POU6F2: variants seen among roughly 807,000 people sequenced by gnomAD.
The protein encoded by POU6F2 is POU domain, class 6, transcription factor 2.
POU6F2 carries 31 observed loss-of-function variants against 71.3 expected under a neutral mutation model. The ratio of observed to expected loss-of-function variants is 0.43; its 90% CI spans 0.33 to 0.59. The LOEUF (loss-of-function observed/expected upper bound fraction) is 0.59. Among genes scored for constraint, POU6F2 ranks in the 20% least tolerant of loss-of-function variants. The pLI is 0.04. For synonymous variants in POU6F2, 347 were observed against 355.7 expected (o/e 0.98, Z 0.27); for missense variants, 783 against 856.8 (o/e 0.91, Z 1.07).
At chr7:39,033,887 G>A (rs1361222966) in intron 1 of POU6F2, among the ~76,000 whole-genome samples, 2 of 152,162 alleles carry the variant, frequency 1.3e-5, no homozygotes, top group African/African-American at 4.8e-5. Flanking sequence ...TTTCAGATGT[G>A]GTGCTTTTTC....
At chr7:39,451,795 GCTCT>G (rs375873802) in intron 8 of POU6F2, 94 bp downstream of exon 8, 4 of 1,400,956 alleles carry the variant, frequency 2.9e-6, no homozygotes, top group Non-Finnish European at 3.9e-6. Context: ...ACTCTCTCTT[GCTCT>G]CTCTTTCTCT....
At position 39,058,247 on chromosome 7, in the gene POU6F2, T is replaced by A. The variant is rs112053399; in HGVS notation, c.106-27613T>A. On this transcript the variant is annotated intron_variant, in intron 1 of 9. Transcript: ENST00000518318. ...TCTCCCGGGGAACAATACACTAACA[T>A]CCTGGTGAGTTCTGTACTAGGAGCC... 3.3e-5 allele frequency among the ~76,000 whole-genome samples: 5 copies of A among 152,318 alleles called. 1 individual carries two copies. The highest frequency in any genetic ancestry group is 1.2e-4 in the African/African-American group (5 of 41,586).
At chr7:39,148,954 T>C (rs992219888) in intron 2 of POU6F2, among the ~76,000 whole-genome samples, 7 of 152,188 alleles carry the variant, frequency 4.6e-5, no homozygotes, top group South Asian at 2.1e-4. Flanking sequence ...CTGGGAAGGA[T>C]GAGGGCATAC....
chr7:39,088,753 T>G (rs1289417564), intron 2 of POU6F2, among the ~76,000 whole-genome samples: 1 of 152,092 alleles, frequency 6.6e-6, no homozygotes, highest in East Asian at 1.9e-4. Flanking sequence ...GAGCTCAGGG[T>G]TTTTTTATTG....
intron 5 of POU6F2, among the ~76,000 whole-genome samples, chr7:39,380,940 G>A (rs1210759515): frequency 6.6e-6 from 1 of 152,168 alleles, no homozygotes; most frequent in Non-Finnish European, 1.5e-5. Context: ...GGAGACAGGT[G>A]GACTCAAAGT....
intron 2 of POU6F2, among the ~76,000 whole-genome samples, chr7:39,113,438 C>T (rs972817853): frequency 6.6e-6 from 1 of 151,900 alleles, no homozygotes; most frequent in African/African-American, 2.4e-5. Flanking sequence ...GTTTTCTCCC[C>T]AAATCAAAAT....
intron 1 of POU6F2, 43 bp from the exon 2 acceptor site, chr7:39,085,817 C>T (rs1385377225): frequency 1.2e-6 from 2 of 1,605,178 alleles, no homozygotes; most frequent in Non-Finnish European, 1.7e-6. Flanking sequence ...TCTAAATCTG[C>T]CACTTTTTTT....
chr7:39,117,718 A>G (rs2128726910), intron 2 of POU6F2, among the ~76,000 whole-genome samples: 1 of 152,286 alleles, frequency 6.6e-6, no homozygotes, highest in South Asian at 2.1e-4. Context: ...GGAAGTGTTC[A>G]GGTACAGCTG....
chr7:39,365,896 G>A (rs1239439586), intron 5 of POU6F2, among the ~76,000 whole-genome samples: 2 of 152,284 alleles, frequency 1.3e-5, no homozygotes, highest in African/African-American at 4.8e-5. Context: ...TAATGGTTAT[G>A]TATCTGAAGT....
intron 4 of POU6F2, among the ~76,000 whole-genome samples, chr7:39,239,097 A>G (rs1316218449): frequency 3.3e-5 from 5 of 152,176 alleles, no homozygotes; most frequent in Non-Finnish European, 5.9e-5. Context: ...TATATTTAAA[A>G]TTAATGTACT....
intron 4 of POU6F2, among the ~76,000 whole-genome samples, chr7:39,229,140 T>C (rs969085087): frequency 5.9e-5 from 9 of 152,214 alleles, no homozygotes; most frequent in African/African-American, 1.9e-4. Context: ...TTCCAGTGGA[T>C]TGATGGCTCT....
At chr7:39,209,934 AGGTGAGAGTTAAG>A (rs1299114631) in intron 4 of POU6F2, among the ~76,000 whole-genome samples, 2 of 152,160 alleles carry the variant, frequency 1.3e-5, no homozygotes, top group Non-Finnish European at 2.9e-5. Context: ...CCTCTCTCAA[AGGTGAGAGTTAAG>A]GGTGAGAGTC....
Position 39,466,297 on chromosome 7 carries a change from ACT to A in POU6F2, c.*1612_*1613del, listed in dbSNP as rs1237567136. Reference sequence around the variant, plus strand: ...AGGATTATTTCCTTTAAAAAAAATAACTTAAAAGATCTGTGGGCCACAATAAC... The same window carrying A: ...AGGATTATTTCCTTTAAAAAAAATAATAAAAGATCTGTGGGCCACAATAAC... On this transcript the variant is annotated 3_prime_UTR_variant, in exon 10 of 10. Transcript: ENST00000518318. 1 of 149,404 alleles carries A rather than the reference ACT, an allele frequency of 6.7e-6. No homozygotes were observed. The highest frequency in any genetic ancestry group is 1.5e-5 in the Non-Finnish European group (1 of 67,104). 9.3% of individuals were successfully genotyped at this position (149,404 alleles called of 1,614,324 possible). A position where few individuals can be genotyped will look rare whatever the true frequency, so the allele number is the denominator to read the frequency against.
rs558573064 is a variant in POU6F2, at chr7:39,429,562, A to G, written c.1114-3515A>G. On this transcript the variant is annotated intron_variant, in intron 6 of 9. Coordinates refer to ENST00000518318, the MANE Select transcript of POU6F2 (RefSeq NM_001370959.1). ...TTCTTGGCATCCTTCATGGCATTTG[A>G]CACAGTGTTTACAGAGAGAAGCAGT... Among the ~76,000 whole-genome samples the G allele has an allele frequency of 1.3e-3, 195 of 152,224 alleles. 1 individual carries two copies. Among genetic ancestry groups the G allele is most frequent in the African/African-American group, 4.5e-3 (186 of 41,532 alleles).
intron 6 of POU6F2, among the ~76,000 whole-genome samples, chr7:39,415,739 T>C (rs1787658817): frequency 6.6e-6 from 1 of 152,132 alleles, no homozygotes; most frequent in African/African-American, 2.4e-5. Context: ...ACAATGAAAA[T>C]AATATCTCCC....
chr7:38,997,505 C>T lies in POU6F2; in HGVS notation c.105+19447C>T, dbSNP rs1584487660. On this transcript the variant is annotated intron_variant, in intron 1 of 9. Coordinates refer to ENST00000518318, the MANE Select transcript of POU6F2 (RefSeq NM_001370959.1). ...TGGCCTCATCTGAATCCTTAGAGCACATCGTGCCTCTTTTTGGCATCCACA... is the reference window on the plus strand; with the variant it reads ...TGGCCTCATCTGAATCCTTAGAGCATATCGTGCCTCTTTTTGGCATCCACA... 2.6e-5 allele frequency among the ~76,000 whole-genome samples: 4 copies of T among 152,326 alleles called. 1 individual carries two copies. In the South Asian group the frequency reaches 8.3e-4, roughly 32 times the overall value.
intron 4 of POU6F2, among the ~76,000 whole-genome samples, chr7:39,227,520 A>G (rs1039301336): frequency 6.7e-6 from 1 of 149,026 alleles, no homozygotes; most frequent in Non-Finnish European, 1.5e-5. Flanking sequence ...TTCTGATGTA[A>G]TGAATCTGAG....
chr7:39,241,883 T>C (rs1240030317), intron 4 of POU6F2, among the ~76,000 whole-genome samples: 1 of 152,162 alleles, frequency 6.6e-6, no homozygotes, highest in Non-Finnish European at 1.5e-5. Context: ...CTCATCCCCT[T>C]TGTAATTAAC....
At chr7:39,126,444 G>A (rs1367898448) in intron 2 of POU6F2, among the ~76,000 whole-genome samples, 3 of 152,160 alleles carry the variant, frequency 2.0e-5, no homozygotes, top group Non-Finnish European at 2.9e-5. Context: ...TGTCATATTT[G>A]GCCATGAGCA....
Sources: allele counts gnomAD v4.1 joint callset (sites outside exome capture counted in the v4.1 genomes callset), GRCh38; gene constraint gnomAD v4.1.1; transcripts MANE v1.5; gene names NCBI Gene and HGNC (gene_info 2026-07-23, HGNC 2026-07-21).